The following PAXBP1 variants were observed in gnomAD, a reference collection of about 807,000 sequenced individuals.
PAXBP1 encodes PAX3 and PAX7 binding protein 1.
Under a neutral mutation model 119.9 loss-of-function variants are expected in PAXBP1, and 44 were observed. The ratio of observed to expected loss-of-function variants is 0.37; its 90% CI spans 0.29 to 0.47. PAXBP1 has a LOEUF of 0.47. PAXBP1 is among the 20% of genes least tolerant of loss of function. PAXBP1 has a pLI of 0.99. For missense variants in PAXBP1, 898 were observed against 1,134.1 expected (o/e 0.79, Z 2.99); for synonymous variants, 393 against 406.6 (o/e 0.97, Z 0.40).
Position 32,769,804 on chromosome 21 carries a change from T to G in PAXBP1, c.472+10A>C. ...TCATTTCAAAAGAATTCAATTAGTT[T>G]GGTACTTACTTTCAGCTGATGAGTT... On this transcript the variant is annotated intron_variant, in intron 2 of 17. Transcript: ENST00000331923. The G allele has an allele frequency of 6.2e-7, 1 of 1,600,670 alleles. No homozygotes were observed. The highest frequency in any genetic ancestry group is 1.1e-5 in the South Asian group (1 of 87,206).
chr21:32,736,331 G>A (rs1020258608), intron 17 of PAXBP1, among the ~76,000 whole-genome samples: 1 of 152,042 alleles, frequency 6.6e-6, no homozygotes, highest in Non-Finnish European at 1.5e-5. Flanking sequence ...TGGGACTATA[G>A]GCACGCACCA....
At chr21:32,750,889 G>T (rs765510322) in intron 10 of PAXBP1, 28 bp downstream of exon 10, 9 of 1,517,698 alleles carry the variant, frequency 5.9e-6, no homozygotes, top group Non-Finnish European at 8.2e-6. Flanking sequence ...AACTGATGAT[G>T]AGTCTTATTT....
intron 3 of PAXBP1, among the ~76,000 whole-genome samples, chr21:32,763,985 C>T (rs2044195965): frequency 7.5e-6 from 1 of 134,190 alleles, no homozygotes; most frequent in Non-Finnish European, 1.6e-5. Flanking sequence ...GAAACTCCGC[C>T]TCAAAAAGCA....
intron 11 of PAXBP1, among the ~76,000 whole-genome samples, chr21:32,747,996 A>C (rs1030481673): frequency 6.7e-6 from 1 of 150,016 alleles, no homozygotes; most frequent in Non-Finnish European, 1.5e-5. Context: ...TATGTTGCCC[A>C]GGCTGGTCTT....
intron 2 of PAXBP1, among the ~76,000 whole-genome samples, chr21:32,765,252 C>T (rs1429442982): frequency 1.3e-5 from 2 of 152,188 alleles, no homozygotes; most frequent in African/African-American, 4.8e-5. Context: ...CACATTGTGC[C>T]ATCTGGACAG....
chr21:32,737,568 T>C (rs924680284), intron 16 of PAXBP1, 160 bp from the exon 17 acceptor site: 2 of 562,360 alleles, frequency 3.6e-6, no homozygotes, highest in African/African-American at 2.0e-5. Flanking sequence ...TCTGACTTCC[T>C]ACATTAACTA....
At chr21:32,770,306 A>G (rs937858063) in intron 1 of PAXBP1, among the ~76,000 whole-genome samples, 1 of 152,214 alleles carries the variant, frequency 6.6e-6, no homozygotes, top group Admixed American at 6.5e-5. Flanking sequence ...TAAAATAAAA[A>G]GGTGCTGTCA....
chr21:32,744,504 G>A (rs1411003754), intron 13 of PAXBP1, among the ~76,000 whole-genome samples: 2 of 151,956 alleles, frequency 1.3e-5, no homozygotes, highest in African/African-American at 4.8e-5. Flanking sequence ...CTGAGGTGTG[G>A]TGGTGAGAAA....
intron 2 of PAXBP1, among the ~76,000 whole-genome samples, chr21:32,765,504 TAAAGCAA>T (rs1438395722): frequency 6.6e-6 from 1 of 152,050 alleles, no homozygotes; most frequent in Non-Finnish European, 1.5e-5. Flanking sequence ...ACTGAAAGAG[TAAAGCAA>T]AAGTTTATTC....
chr21:32,759,622 G>A, intron 6 of PAXBP1, 155 bp downstream of exon 6: 1 of 691,126 alleles, frequency 1.4e-6, no homozygotes, highest in Non-Finnish European at 2.4e-6. Context: ...CAAGAAGGTA[G>A]CAGAACAAAG....
rs1569166273 is a variant in PAXBP1 at position 32,762,272 on chromosome 21, C to T, written c.695G>A (p.Arg232His). 1.2e-6 allele frequency: 2 copies of T among 1,614,072 alleles called. No individual in the cohort carries two copies. Among genetic ancestry groups the T allele is most frequent in the Non-Finnish European group, 1.7e-6 (2 of 1,180,014 alleles). Reference protein sequence around the residue: ...AAFIHAARKKRQMARELGDFT... With the variant: ...AAFIHAARKKHQMARELGDFT... Reference sequence around the variant, plus strand: ...ATCTCCCAATTCTCGGGCCATTTGGCGCTTTTTCCTTGCAGCATGTATAAA... The same window carrying T: ...ATCTCCCAATTCTCGGGCCATTTGGTGCTTTTTCCTTGCAGCATGTATAAA... Residue 232 changes from arginine to histidine, a missense_variant, in exon 4 of 18, where the codon CGC becomes CAC. Arg to His is a conservative substitution (Grantham distance 29, BLOSUM62 0). Coordinates refer to ENST00000331923, the MANE Select transcript of PAXBP1 (RefSeq NM_016631.4).
chr21:32,739,938 TAAAAAA>T (rs756477858), intron 15 of PAXBP1, among the ~76,000 whole-genome samples: 18 of 47,046 alleles, frequency 3.8e-4, no homozygotes, highest in Admixed American at 1.6e-3. Flanking sequence ...CTCGTCTCTT[TAAAAAA>T]AAAAAAAAAA....
At position 32,759,218 on chromosome 21, in the gene PAXBP1, T is replaced by C; in HGVS notation, c.1245A>G (p.Lys415=). ...LHKTNRQQHE[K]HLQSRVDSTR... ...TAGAGTCCACTCGGCTTTGCAGATGTTTCTCATGCTGCTGTCGATTTGTTT... is the reference window on the plus strand; with the variant it reads ...TAGAGTCCACTCGGCTTTGCAGATGCTTCTCATGCTGCTGTCGATTTGTTT... Residue 415 remains lysine (K), a synonymous_variant, in exon 7 of 18, where the codon AAA becomes AAG. Coordinates refer to ENST00000331923, the MANE Select transcript of PAXBP1 (RefSeq NM_016631.4). The C allele has an allele frequency of 6.2e-7, 1 of 1,614,044 alleles. No homozygotes were observed. The highest frequency in any genetic ancestry group is 1.1e-5 in the South Asian group (1 of 91,074).
chr21:32,760,880 C>T (rs1296983419), intron 5 of PAXBP1, among the ~76,000 whole-genome samples, 179 bp downstream of exon 5: 4 of 144,712 alleles, frequency 2.8e-5, no homozygotes, highest in East Asian at 2.0e-4. Flanking sequence ...TAAAAGCCTA[C>T]GTGTCTCTGT....
chr21:32,737,126 G>T, intron 17 of PAXBP1, 128 bp downstream of exon 17: 1 of 724,280 alleles, frequency 1.4e-6, no homozygotes. Flanking sequence ...TGCATTTTTG[G>T]TAGGTTTATA....
intron 2 of PAXBP1, among the ~76,000 whole-genome samples, chr21:32,769,171 T>C (rs1048802704): frequency 1.3e-5 from 2 of 152,166 alleles, no homozygotes; most frequent in African/African-American, 4.8e-5. Context: ...TTCCATAAAA[T>C]AAAATAGCAT....
At chr21:32,766,267 A>C (rs1056836997) in intron 2 of PAXBP1, among the ~76,000 whole-genome samples, 1 of 152,242 alleles carries the variant, frequency 6.6e-6, no homozygotes, top group African/African-American at 2.4e-5. Context: ...TCAATGTTTC[A>C]TTAAATTCAC....
intron 10 of PAXBP1, among the ~76,000 whole-genome samples, chr21:32,750,087 ATACT>A (rs200397836): frequency 0.012 from 1,865 of 152,348 alleles, 27 homozygotes; most frequent in Non-Finnish European, 0.017. Flanking sequence ...AAAAAAAGAA[ATACT>A]TAATCAGAAT....
chr21:32,739,938 T>TAAAAAA lies in PAXBP1; in HGVS notation c.2335-1625_2335-1620dup, dbSNP rs756477858. 1.1e-3 allele frequency among the ~76,000 whole-genome samples: 53 copies of TAAAAAA among 47,036 alleles called. 1 individual carries two copies. Among genetic ancestry groups the TAAAAAA allele is most frequent in the African/African-American group, 4.2e-3 (46 of 10,976 alleles). The allele number at this position is 47,036 out of a possible 152,430, so 30.9% of individuals were successfully genotyped here. A position where few individuals can be genotyped will look rare whatever the true frequency, so the allele number is the denominator to read the frequency against. ...TAGGCAACACAAGACCTCGTCTCTT[T>TAAAAAA]AAAAAAAAAAAAAAAAAAAAAAAAA... On this transcript the variant is annotated intron_variant, in intron 15 of 17. Transcript: ENST00000331923.
Sources: allele counts gnomAD v4.1 joint callset (sites outside exome capture counted in the v4.1 genomes callset), GRCh38; gene constraint gnomAD v4.1.1; transcripts MANE v1.5; gene names NCBI Gene and HGNC (gene_info 2026-07-23, HGNC 2026-07-21).